ZNF333: variants seen among roughly 807,000 people sequenced by gnomAD.
ZNF333 encodes the protein zinc finger protein 333.
ZNF333 carries 61 observed loss-of-function variants against 76.1 expected under a neutral mutation model. The observed-to-expected ratio is 0.80, with a 90% CI of 0.65 to 0.99. ZNF333 has a LOEUF of 0.99. Ranked by LOEUF, ZNF333 falls within the 50% of genes least tolerant of loss-of-function variation. ZNF333 has a pLI of 0.00. For synonymous variants in ZNF333, 284 were observed against 305.0 expected, an observed-to-expected ratio of 0.93 and a Z score of 0.72; for missense variants, 717 against 822.4, an observed-to-expected ratio of 0.87 and a Z score of 1.57.
intron 8 of ZNF333, among the ~76,000 whole-genome samples, chr19:14,715,766 C>G (rs1360128942): frequency 6.6e-6 from 1 of 152,190 alleles, no homozygotes; most frequent in Non-Finnish European, 1.5e-5. Context: ...CCAGATAGTT[C>G]CCTCTTGCCT....
At chr19:14,724,226 A>G (rs1210222782), downstream of ZNF333, among the ~76,000 whole-genome samples, 1 of 152,194 alleles carries the variant, frequency 6.6e-6, no homozygotes, top group Non-Finnish European at 1.5e-5. Context: ...GTTCAAAAAG[A>G]TCAGAATGAG....
chr19:14,717,759 G>A lies in ZNF333; in HGVS notation c.900+26G>A, dbSNP rs540005972. On this transcript the variant is annotated intron_variant, in intron 11 of 11. Coordinates refer to ENST00000292530, the MANE Select transcript of ZNF333 (RefSeq NM_032433.4). Reference sequence around the variant, plus strand: ...GTAAGGCTCACCAGGGATTATTCATGGTTCTCTATAGTAGGATGAGTCTGG... The same window carrying A: ...GTAAGGCTCACCAGGGATTATTCATAGTTCTCTATAGTAGGATGAGTCTGG... 2.0e-5 allele frequency: 32 copies of A among 1,604,756 alleles called. No homozygotes were observed. In the South Asian group the frequency reaches 2.9e-4, roughly 14 times the overall value.
downstream of ZNF333, among the ~76,000 whole-genome samples, chr19:14,725,893 G>A (rs2042630141): frequency 6.6e-6 from 1 of 152,204 alleles, no homozygotes; most frequent in Non-Finnish European, 1.5e-5. Flanking sequence ...TCTGGGGTCT[G>A]GAGGGAGGTG....
chr19:14,727,102 A>G (rs916059837), intron 11 of ZNF333, among the ~76,000 whole-genome samples: 1 of 134,478 alleles, frequency 7.4e-6, no homozygotes, highest in Non-Finnish European at 1.5e-5. Flanking sequence ...ATCTTGGCTC[A>G]CTACAAGCTC....
chr19:14,695,611 G>A lies in ZNF333; in HGVS notation c.173G>A (p.Arg58Lys). The A allele has an allele frequency of 6.2e-7, 1 of 1,614,198 alleles. No homozygotes were observed. The highest frequency in any genetic ancestry group is 1.3e-5 in the African/African-American group (1 of 75,044). The change falls in exon 4 of 12, where the codon AGA (arginine) becomes AAA (lysine). Residue 58 changes from arginine to lysine, a missense_variant. Transcript: ENST00000292530. ...AGTTGTGTCTCCCAGCTGGGGCAAA[G>A]AGCAGAGCCAAAGGCAACAGAACGA... ...KPSCVSQLGQ[R>K]AEPKATERGI...
Position 14,707,579 on chromosome 19 carries a change from T to A in ZNF333, c.511+806T>A, listed in dbSNP as rs149266531. Among the ~76,000 whole-genome samples the A allele has an allele frequency of 2.8e-3, 350 of 126,722 alleles. 7 individuals carry two copies. The East Asian group carries it at 0.065, about 23-fold the overall frequency. 83.1% of individuals were successfully genotyped at this position (126,722 alleles called of 152,430 possible). ...TTTTTTTTTTTTTTTTGAGACGGAGTCTCACTCTTTCGCCCAAGCTGGACT... is the reference window on the plus strand; with the variant it reads ...TTTTTTTTTTTTTTTTGAGACGGAGACTCACTCTTTCGCCCAAGCTGGACT... On this transcript the variant is annotated intron_variant, in intron 7 of 11. Transcript: ENST00000292530.
In ZNF333 at chr19:14,718,770, C is replaced by T; in HGVS notation, c.1443C>T (p.Ser481=). The change falls in exon 12 of 12, where the codon AGC becomes AGT. Residue 481 remains serine (S), a synonymous_variant. Coordinates refer to ENST00000292530, the MANE Select transcript of ZNF333 (RefSeq NM_032433.4). The stretch of plus-strand genomic sequence containing the variant: ...CTGGAGAGAAGCCCTTTGAATGCAG[C>T]CAGTGTGGGAAAGCCTTCAGGGAAC... ...THTGEKPFEC[S]QCGKAFREHS... 6.2e-7 allele frequency: 1 copy of T among 1,611,832 alleles called. No individual in the cohort carries two copies. The highest frequency in any genetic ancestry group is 8.5e-7 in the Non-Finnish European group (1 of 1,179,370).
At chr19:14,728,637 A>C (rs2042648550) in intron 11 of ZNF333, among the ~76,000 whole-genome samples, 2 of 152,226 alleles carry the variant, frequency 1.3e-5, no homozygotes, top group Admixed American at 1.3e-4. Flanking sequence ...TGAGTGACCT[A>C]TGACGACAAT....
chr19:14,717,742 C>T lies in ZNF333; in HGVS notation c.900+9C>T, dbSNP rs932834203. 2 of 1,612,906 alleles carry T rather than the reference C, an allele frequency of 1.2e-6. No homozygotes were observed. Among genetic ancestry groups the T allele is most frequent in the Non-Finnish European group, 1.7e-6 (2 of 1,178,916 alleles). On this transcript the variant is annotated intron_variant, in intron 11 of 11. Coordinates refer to ENST00000292530, the MANE Select transcript of ZNF333 (RefSeq NM_032433.4). ...CCATTGATGTGAAAGGGGTAAGGCTCACCAGGGATTATTCATGGTTCTCTA... is the reference window on the plus strand; with the variant it reads ...CCATTGATGTGAAAGGGGTAAGGCTTACCAGGGATTATTCATGGTTCTCTA...
intron 2 of ZNF333, 23 bp from the exon 3 acceptor site, chr19:14,694,987 C>G (rs781740327): frequency 1.2e-5 from 19 of 1,613,812 alleles, no homozygotes; most frequent in Non-Finnish European, 1.5e-5. Context: ...ATTTGCCGAG[C>G]CAGAATGTGT....
chr19:14,701,899 TG>T, intron 5 of ZNF333: 1 of 985,278 alleles, frequency 1.0e-6, no homozygotes, highest in Non-Finnish European at 1.2e-6. Context: ...GTAGTAGAGG[TG>T]GGTTTGGAGC....
chr19:14,728,694 C>G (rs924850593), intron 11 of ZNF333, among the ~76,000 whole-genome samples: 1 of 152,184 alleles, frequency 6.6e-6, no homozygotes, highest in Non-Finnish European at 1.5e-5. Flanking sequence ...AATCCCTTTA[C>G]ACCTTAGGTC....
At chr19:14,701,189 C>T (rs1237018915) in intron 5 of ZNF333, among the ~76,000 whole-genome samples, 1 of 152,194 alleles carries the variant, frequency 6.6e-6, no homozygotes, top group Non-Finnish European at 1.5e-5. Flanking sequence ...GGTTCCTCAT[C>T]CGATGTGGTG....
chr19:14,717,009 AAC>A lies in ZNF333; in HGVS notation c.744_745del (p.Lys248AsnfsTer17). On this transcript the variant is annotated frameshift_variant, in exon 10 of 12. Coordinates refer to ENST00000292530, the MANE Select transcript of ZNF333 (RefSeq NM_032433.4). LOFTEE classifies it high-confidence loss of function. ...TCATGAGCAGCTGATCAACTGTGCAAACCCAATGCGTTGTCTTATTTGGAAGA... is the reference window on the plus strand; with the variant it reads ...TCATGAGCAGCTGATCAACTGTGCAACCAATGCGTTGTCTTATTTGGAAGA... The A allele has an allele frequency of 6.2e-7, 1 of 1,611,924 alleles. No individual in the cohort carries two copies.
intron 5 of ZNF333, among the ~76,000 whole-genome samples, chr19:14,703,976 C>T (rs2042038374): frequency 6.6e-6 from 1 of 152,174 alleles, no homozygotes; most frequent in Admixed American, 6.5e-5. Flanking sequence ...ACAGCAGAAA[C>T]TTATTTTCTC....
chr19:14,715,481 A>C lies in ZNF333; in HGVS notation c.600+11A>C, dbSNP rs751744646. ...ACCGCCTGTTCACAGGTAGGTAAGAACTTCTTGTTCTAAAAGAACACTGCT... is the reference window on the plus strand; with the variant it reads ...ACCGCCTGTTCACAGGTAGGTAAGACCTTCTTGTTCTAAAAGAACACTGCT... On this transcript the variant is annotated intron_variant, in intron 8 of 11. Coordinates refer to ENST00000292530, the MANE Select transcript of ZNF333 (RefSeq NM_032433.4). 6.2e-6 allele frequency: 10 copies of C among 1,612,822 alleles called. No individual in the cohort carries two copies. Among genetic ancestry groups the C allele is most frequent in the Non-Finnish European group, 7.6e-6 (9 of 1,179,228 alleles).
In ZNF333 at chr19:14,705,080, G is replaced by C. The variant is rs951522441; in HGVS notation, c.333G>C (p.Gln111His). ...QMGPGLFLRMQLVPSIEERET... is the reference protein window; with the variant it reads ...QMGPGLFLRMHLVPSIEERET... ...GGCCGGGGCTGTTCCTGAGGATGCA[G>C]CTGGTGCCCTCCATAGAAGAGAGGG... The change falls in exon 6 of 12, where the codon CAG (glutamine) becomes CAC (histidine). Residue 111 changes from glutamine to histidine, a missense_variant. Transcript: ENST00000292530. 14 of 1,613,956 alleles carry C rather than the reference G, an allele frequency of 8.7e-6. No individual in the cohort carries two copies. In the African/African-American group the frequency reaches 1.2e-4, roughly 14 times the overall value.
In ZNF333 at chr19:14,699,262, C is replaced by T. The variant is rs1973508502; in HGVS notation, c.287C>T (p.Ser96Phe). ...PSMQDLLEEA[S>F]SRDMQMGPGL... The stretch of plus-strand genomic sequence containing the variant: ...ATGCAGGATCTTTTGGAAGAAGCAT[C>T]CTCCAGGGACATGCAAATGGTAAGA... Residue 96 changes from serine to phenylalanine, a missense_variant, in exon 5 of 12, where the codon TCC becomes TTC. Physicochemically the swap from Ser to Phe is radical, Grantham distance 155. Coordinates refer to ENST00000292530, the MANE Select transcript of ZNF333 (RefSeq NM_032433.4). 6.2e-7 allele frequency: 1 copy of T among 1,613,872 alleles called. No homozygotes were observed.
In ZNF333 at chr19:14,706,787, G is replaced by A; in HGVS notation, c.511+14G>A. On this transcript the variant is annotated intron_variant, in intron 7 of 11. Coordinates refer to ENST00000292530, the MANE Select transcript of ZNF333 (RefSeq NM_032433.4). ...CCAGGGATTCTGGTGAGTGAGTGCT[G>A]CGTGGAACACGTGGCCAGAGGGCCC... The A allele has an allele frequency of 2.0e-5, 32 of 1,607,548 alleles. No homozygotes were observed. Among genetic ancestry groups the A allele is most frequent in the Non-Finnish European group, 2.7e-5 (32 of 1,176,028 alleles).
Sources: gnomAD v4.1 joint callset for allele counts (sites outside exome capture counted in the v4.1 genomes callset) on GRCh38, gnomAD v4.1.1 for gene constraint, MANE v1.5 for transcripts, NCBI Gene and HGNC (gene_info 2026-07-23, HGNC 2026-07-21) for gene names.